AGK: variants seen among roughly 807,000 people sequenced by gnomAD.
AGK encodes the protein acylglycerol kinase, mitochondrial.
AGK carries 52 observed loss-of-function variants against 66.4 expected under a neutral mutation model. That is an observed-to-expected ratio of 0.78 (90% CI 0.63 to 0.99). The LOEUF is 0.99. Among genes scored for constraint, AGK ranks in the 50% least tolerant of loss-of-function variants. The pLI, the probability that AGK is intolerant of heterozygous loss-of-function variation, is 0.00. For missense variants in AGK, 451 were observed against 506.6 expected (o/e 0.89, Z 1.05); for synonymous variants, 182 against 181.1 (o/e 1.00, Z -0.04).
chr7:141,627,367 T>C (rs80300052), intron 9 of AGK, among the ~76,000 whole-genome samples: 8,064 of 152,178 alleles, frequency 0.053, 345 homozygotes, highest in African/African-American at 0.11. Flanking sequence ...AGCCCCATGT[T>C]CTTAGATTTG....
intron 2 of AGK, among the ~76,000 whole-genome samples, chr7:141,589,097 C>T (rs1367821687): frequency 2.6e-5 from 4 of 152,170 alleles, no homozygotes; most frequent in Non-Finnish European, 5.9e-5. Context: ...GTCTCAGCCT[C>T]TTTTTACCCA....
intron 8 of AGK, among the ~76,000 whole-genome samples, chr7:141,617,404 T>C (rs1240350883): frequency 1.3e-5 from 2 of 152,178 alleles, no homozygotes; most frequent in Non-Finnish European, 2.9e-5. Context: ...AAAACTTAAT[T>C]TATAAGCATG....
At chr7:141,615,183 A>G (rs1022434802) in intron 7 of AGK, among the ~76,000 whole-genome samples, 3 of 152,232 alleles carry the variant, frequency 2.0e-5, no homozygotes, top group Non-Finnish European at 2.9e-5. Flanking sequence ...GCATTGATAT[A>G]TTATCTTCAA....
rs770312829 is a variant in AGK, at chr7:141,652,958, T to C, written c.*34T>C. 49 of 1,612,032 alleles carry C rather than the reference T, an allele frequency of 3.0e-5. No homozygotes were observed. Among genetic ancestry groups the C allele is most frequent in the Non-Finnish European group, 3.8e-5 (45 of 1,179,362 alleles). Reference sequence around the variant, plus strand: ...AGACAAGCACTCTGAGACCACACTTTAGGCCACCGGTGGGACCAAAAGGGA... The same window carrying C: ...AGACAAGCACTCTGAGACCACACTTCAGGCCACCGGTGGGACCAAAAGGGA... On this transcript the variant is annotated 3_prime_UTR_variant, in exon 16 of 16. Transcript: ENST00000649286.
intron 2 of AGK, among the ~76,000 whole-genome samples, chr7:141,556,692 G>T (rs1234175686): frequency 2.0e-5 from 3 of 152,054 alleles, no homozygotes; most frequent in Non-Finnish European, 4.4e-5. Flanking sequence ...TGTCTCCCTG[G>T]CATTTTATTC....
chr7:141,609,519 A>T (rs992539516), intron 5 of AGK, among the ~76,000 whole-genome samples: 1 of 152,238 alleles, frequency 6.6e-6, no homozygotes, highest in African/African-American at 2.4e-5. Context: ...AGGGATTGGC[A>T]TAGAGCTTCT....
At chr7:141,593,629 C>T (rs767009115) in intron 3 of AGK, 27 of 525,860 alleles carry the variant, frequency 5.1e-5, no homozygotes, top group Middle Eastern at 1.0e-3. Context: ...TTCAACTGAT[C>T]CATATCATGT....
intron 6 of AGK, among the ~76,000 whole-genome samples, chr7:141,612,524 C>T (rs978295317): frequency 1.3e-5 from 2 of 152,040 alleles, no homozygotes; most frequent in East Asian, 1.9e-4. Flanking sequence ...CTAGTGTAAA[C>T]GATGGACTTT....
chr7:141,652,735 C>A, intron 15 of AGK, 52 bp from the exon 16 acceptor site: 12 of 1,594,892 alleles, frequency 7.5e-6, no homozygotes, highest in Non-Finnish European at 1.0e-5. Context: ...ACCTCCAACT[C>A]CAGTAGGCCA....
At chr7:141,649,140 C>G in intron 13 of AGK, 123 bp from the exon 14 acceptor site, 1 of 414,362 alleles carries the variant, frequency 2.4e-6, no homozygotes, top group Middle Eastern at 3.6e-4. Context: ...AATTAAATCA[C>G]TACAAGTAGA....
intron 2 of AGK, among the ~76,000 whole-genome samples, chr7:141,583,566 G>GCC (rs200377932): frequency 6.6e-6 from 1 of 151,720 alleles, no homozygotes; most frequent in Non-Finnish European, 1.5e-5. Flanking sequence ...GGGGGTGCTT[G>GCC]CCCCCCAAAA....
chr7:141,607,217 T>G (rs1394397544), intron 5 of AGK, among the ~76,000 whole-genome samples: 4 of 152,128 alleles, frequency 2.6e-5, no homozygotes, highest in Non-Finnish European at 5.9e-5. Flanking sequence ...CTATGTTTGG[T>G]TTTATCGGAA....
At chr7:141,615,361 G>T in intron 7 of AGK, 110 bp from the exon 8 acceptor site, 1 of 760,910 alleles carries the variant, frequency 1.3e-6, no homozygotes, top group African/African-American at 1.8e-5. Context: ...AGGAGATGGG[G>T]AGGCAGATAC....
Position 141,598,305 on chromosome 7 carries a change from C to T in AGK, c.221+1664C>T, listed in dbSNP as rs1796272037. Among the ~76,000 whole-genome samples the T allele has an allele frequency of 6.6e-6, 1 of 152,162 alleles. No homozygotes were observed. The highest frequency in any genetic ancestry group is 1.9e-4 in the East Asian group (1 of 5,202). On this transcript the variant is annotated intron_variant, in intron 4 of 15. Coordinates refer to ENST00000649286, the MANE Select transcript of AGK (RefSeq NM_018238.4). The surrounding 1 kb of genome is among the most constrained non-coding windows in gnomAD (Gnocchi z 4.2). Reference sequence around the variant, plus strand: ...TGATCATTTTTGTTTAATATCAATACTAAATCATGCCAACAAATCAACAAG... The same window carrying T: ...TGATCATTTTTGTTTAATATCAATATTAAATCATGCCAACAAATCAACAAG...
chr7:141,640,128 A>G (rs1337480599), intron 11 of AGK, among the ~76,000 whole-genome samples: 1 of 152,178 alleles, frequency 6.6e-6, no homozygotes. Context: ...AAACAAATGC[A>G]GGAACTAGGC....
intron 2 of AGK, among the ~76,000 whole-genome samples, chr7:141,566,255 ATAT>A (rs1431591663): frequency 1.3e-5 from 2 of 152,084 alleles, no homozygotes; most frequent in African/African-American, 2.4e-5. Flanking sequence ...CTCCTCCTAT[ATAT>A]TATTCATTGC....
chr7:141,605,613 T>G (rs183597098), intron 5 of AGK, among the ~76,000 whole-genome samples: 2 of 152,378 alleles, frequency 1.3e-5, no homozygotes, highest in East Asian at 3.9e-4. Flanking sequence ...GCAGGGTACC[T>G]AGCCTACCAT....
In AGK at chr7:141,652,528, A is replaced by G. The variant is rs962564957; in HGVS notation, c.1132-259A>G. 4.3e-5 allele frequency: 14 copies of G among 324,082 alleles called. 1 individual carries two copies. The highest frequency in any genetic ancestry group is 2.9e-4 in the African/African-American group (14 of 48,744). The allele number at this position is 324,082 out of a possible 1,614,324, so 20.1% of individuals were successfully genotyped here. ...TATAACCATGTTGTTCAAATCCCAA[A>G]ATACTCTGGGAGGAGATAGGGGCCA... On this transcript the variant is annotated intron_variant, in intron 15 of 15. Transcript: ENST00000649286.
Position 141,652,595 on chromosome 7 carries a change from G to A in AGK, c.1132-192G>A, listed in dbSNP as rs540961534. On this transcript the variant is annotated intron_variant, in intron 15 of 15. Coordinates refer to ENST00000649286, the MANE Select transcript of AGK (RefSeq NM_018238.4). ...CCTTTTTCATGGATGGTAGAATTAG[G>A]ATGTTTCCAGAACCAGCACTGTGCC... 35 of 456,270 alleles carry A rather than the reference G, an allele frequency of 7.7e-5. No homozygotes were observed. The South Asian group carries it at 2.0e-3, about 26-fold the overall frequency. 28.3% of individuals were successfully genotyped at this position (456,270 alleles called of 1,614,324 possible). A position where few individuals can be genotyped will look rare whatever the true frequency, so the allele number is the denominator to read the frequency against.
Sources: gnomAD v4.1 joint callset for allele counts (sites outside exome capture counted in the v4.1 genomes callset) on GRCh38, gnomAD v4.1.1 for gene constraint, Gnocchi (gnomAD v3.1) non-coding constraint, MANE v1.5 for transcripts, NCBI Gene and HGNC (gene_info 2026-07-23, HGNC 2026-07-21) for gene names.